Variants in GRIA1 observed in about 807,000 individuals in gnomAD.
The protein encoded by GRIA1 is glutamate ionotropic receptor AMPA type subunit 1, also known as glutamate receptor 1.
Under a neutral mutation model 99.2 loss-of-function variants are expected in GRIA1, and 31 were observed. That is an observed-to-expected ratio of 0.31 (90% CI 0.23 to 0.42). The LOEUF (loss-of-function observed/expected upper bound fraction) is 0.42. GRIA1 is among the 10% of genes least tolerant of loss of function. The probability of loss-of-function intolerance (pLI) is 1.00; values close to 1 mark genes in which losing one functional copy is unlikely to be tolerated. For synonymous variants in GRIA1, 438 were observed against 432.4 expected (o/e 1.01, Z -0.16); for missense variants, 782 against 1,157.5 (o/e 0.68, Z 4.71).
intron 11 of GRIA1, among the ~76,000 whole-genome samples, chr5:153,717,348 T>G (rs1024999266): frequency 1.3e-5 from 2 of 151,958 alleles, no homozygotes; most frequent in South Asian, 2.1e-4. Flanking sequence ...CAAAGAGAAA[T>G]GAGGAGGGAA....
chr5:153,662,491 C>G (rs1447685923), intron 5 of GRIA1, among the ~76,000 whole-genome samples: 1 of 152,176 alleles, frequency 6.6e-6, no homozygotes, highest in Non-Finnish European at 1.5e-5. Context: ...AGGGAGGCCG[C>G]CTCAGCTGTG....
At chr5:153,770,146 G>A (rs372739865) in intron 12 of GRIA1, 22 bp from the exon 13 acceptor site, 1 of 1,611,190 alleles carries the variant, frequency 6.2e-7, no homozygotes, top group African/African-American at 1.3e-5. Flanking sequence ...CTTAATTCCA[G>A]CTTTGTTTCT....
intron 2 of GRIA1, among the ~76,000 whole-genome samples, chr5:153,629,997 G>A (rs1434317222): frequency 6.6e-6 from 1 of 152,170 alleles, no homozygotes; most frequent in Non-Finnish European, 1.5e-5. Context: ...GTTTAGCAAA[G>A]TGATAAGGAC....
intron 8 of GRIA1, among the ~76,000 whole-genome samples, chr5:153,697,282 CAG>C (rs1237388517): frequency 6.6e-6 from 1 of 152,218 alleles, no homozygotes; most frequent in Non-Finnish European, 1.5e-5. Context: ...GAGGCGTTCT[CAG>C]AGCAAGCCCT....
At chr5:153,727,333 G>A (rs2149551431) in intron 11 of GRIA1, among the ~76,000 whole-genome samples, 1 of 152,242 alleles carries the variant, frequency 6.6e-6, no homozygotes, top group South Asian at 2.1e-4. Flanking sequence ...CACAAGACAG[G>A]GATGCCCTCT....
At chr5:153,614,376 T>C (rs1766281603) in intron 2 of GRIA1, among the ~76,000 whole-genome samples, 1 of 152,228 alleles carries the variant, frequency 6.6e-6, no homozygotes, top group African/African-American at 2.4e-5. Context: ...TGACAGTATC[T>C]AACATCTGTT....
In GRIA1 at chr5:153,606,380, A is replaced by G. The variant is rs143065739; in HGVS notation, c.221-40548A>G. ...CTTTTTCAAAATTGTTTTGGCTATT[A>G]TTAGACCTTTACATTTACATACAAA... On this transcript the variant is annotated intron_variant, in intron 2 of 15. Transcript: ENST00000285900. Among the ~76,000 whole-genome samples, 152 of 152,184 alleles carry G rather than the reference A, an allele frequency of 1.0e-3. 1 individual carries two copies. The Middle Eastern group carries it at 0.02, about 20-fold the overall frequency.
At chr5:153,786,485 A>G (rs1405469519) in intron 13 of GRIA1, among the ~76,000 whole-genome samples, 1 of 151,604 alleles carries the variant, frequency 6.6e-6, no homozygotes, top group Non-Finnish European at 1.5e-5. Flanking sequence ...CACATACTAG[A>G]TTGCATGGTC....
At chr5:153,502,231 G>C (rs1755072504) in intron 2 of GRIA1, among the ~76,000 whole-genome samples, 2 of 152,140 alleles carry the variant, frequency 1.3e-5, no homozygotes, top group South Asian at 4.1e-4. Context: ...ACTGGACTAA[G>C]CAATGTGAGG....
At chr5:153,719,622 A>G (rs1044022037) in intron 11 of GRIA1, among the ~76,000 whole-genome samples, 11 of 152,044 alleles carry the variant, frequency 7.2e-5, no homozygotes, top group African/African-American at 2.7e-4. Flanking sequence ...CAGAAGCTGT[A>G]TCACCTTTCA....
intron 2 of GRIA1, among the ~76,000 whole-genome samples, chr5:153,530,173 T>C (rs1169108127): frequency 2.0e-5 from 3 of 152,272 alleles, no homozygotes; most frequent in Admixed American, 6.5e-5. Flanking sequence ...ACCCATCCCA[T>C]AGGCAAAAAA....
At chr5:153,496,736 G>A (rs1290454761) in intron 2 of GRIA1, among the ~76,000 whole-genome samples, 1 of 152,126 alleles carries the variant, frequency 6.6e-6, no homozygotes, top group Non-Finnish European at 1.5e-5. Flanking sequence ...TAGGAAGAAT[G>A]TACTCATTAC....
At chr5:153,524,498 T>A (rs961065916) in intron 2 of GRIA1, among the ~76,000 whole-genome samples, 2 of 152,208 alleles carry the variant, frequency 1.3e-5, no homozygotes, top group African/African-American at 4.8e-5. Context: ...TCTATAAGGA[T>A]GAATAAACTT....
intron 11 of GRIA1, among the ~76,000 whole-genome samples, chr5:153,738,733 T>C (rs1166809021): frequency 2.0e-5 from 3 of 148,134 alleles, no homozygotes; most frequent in Non-Finnish European, 3.0e-5. Context: ...TTTTTTTTTT[T>C]TTTTTGGAGA....
chr5:153,599,544 A>G (rs987410314), intron 2 of GRIA1, among the ~76,000 whole-genome samples: 10 of 152,154 alleles, frequency 6.6e-5, no homozygotes, highest in South Asian at 2.1e-4. Flanking sequence ...AATCATCTCT[A>G]TATTACTTAT....
In GRIA1 at chr5:153,597,842, TA is replaced by T. The variant is rs372705510; in HGVS notation, c.221-49070del. On this transcript the variant is annotated intron_variant, in intron 2 of 15. Transcript: ENST00000285900. ...GGGCAACATGGCAAGACCCCGTCTC[TA>T]AAAAAAAAAAAAAAATTAATTAGCC... Among the ~76,000 whole-genome samples, 653 of 142,040 alleles carry T rather than the reference TA, an allele frequency of 4.6e-3. 2 individuals are homozygous for T. Among genetic ancestry groups the T allele is most frequent in the African/African-American group, 0.01 (382 of 37,556 alleles). 93.2% of individuals were successfully genotyped at this position (142,040 alleles called of 152,430 possible). A position where few individuals can be genotyped will look rare whatever the true frequency, so the allele number is the denominator to read the frequency against.
chr5:153,654,317 A>T (rs1754780943), intron 4 of GRIA1, among the ~76,000 whole-genome samples: 1 of 152,162 alleles, frequency 6.6e-6, no homozygotes, highest in African/African-American at 2.4e-5. Flanking sequence ...AAAAGTCATC[A>T]GTTATCAGCT....
At chr5:153,779,486 C>T (rs1764493767) in intron 13 of GRIA1, among the ~76,000 whole-genome samples, 1 of 152,194 alleles carries the variant, frequency 6.6e-6, no homozygotes, top group Non-Finnish European at 1.5e-5. Flanking sequence ...ATCCACGCTG[C>T]TTATTTGTTT....
At chr5:153,549,859 A>G (rs1466493696) in intron 2 of GRIA1, among the ~76,000 whole-genome samples, 2 of 152,090 alleles carry the variant, frequency 1.3e-5, no homozygotes, top group African/African-American at 2.4e-5. Flanking sequence ...TTTATGTGGG[A>G]CTAAGAAAAT....
Sources: gnomAD v4.1 joint callset for allele counts (sites outside exome capture counted in the v4.1 genomes callset) on GRCh38, gnomAD v4.1.1 for gene constraint, MANE v1.5 for transcripts, NCBI Gene and HGNC (gene_info 2026-07-23, HGNC 2026-07-21) for gene names.